The following NFILZ variants were observed in gnomAD, a reference collection of about 807,000 sequenced individuals.
The protein encoded by NFILZ is NFIL3 like protein.
chr19:8,632,184 T>C (rs1555745634), intron 1 of NFILZ, among the ~76,000 whole-genome samples: 1 of 151,402 alleles, frequency 6.6e-6, no homozygotes, highest in East Asian at 2.0e-4. Flanking sequence ...TGTGTTTTAT[T>C]ACTGGGATGC....
At chr19:8,641,414 A>G (rs148574775) in intron 3 of NFILZ, among the ~76,000 whole-genome samples, 206 of 152,296 alleles carry the variant, frequency 1.4e-3, no homozygotes, top group African/African-American at 4.4e-3. Context: ...CCAAATCTAA[A>G]GACCACTGCT....
At chr19:8,666,959 G>A (rs966876659) in intron 3 of NFILZ, among the ~76,000 whole-genome samples, 10 of 145,706 alleles carry the variant, frequency 6.9e-5, no homozygotes, top group African/African-American at 2.0e-4. Flanking sequence ...CACATTGCCC[G>A]GGTTGGTCTC....
rs1216700127 is a variant in NFILZ at position 8,676,413 on chromosome 19, C to A, written c.-59C>A. 1.3e-5 allele frequency among the ~76,000 whole-genome samples: 2 copies of A among 152,196 alleles called. No homozygotes were observed. The highest frequency in any genetic ancestry group is 2.9e-5 in the Non-Finnish European group (2 of 68,032). On this transcript the variant is annotated 5_prime_UTR_variant, in exon 5 of 6. Transcript: ENST00000691075. ...TTTCCAAGAATCTTACCTTGGAACT[C>A]CAATTGAACTGAGCCCTGGGCTTGT... is the stretch of plus-strand genomic sequence containing the variant.
chr19:8,648,145 A>G (rs969734025), intron 3 of NFILZ, among the ~76,000 whole-genome samples: 9 of 143,224 alleles, frequency 6.3e-5, no homozygotes, highest in Middle Eastern at 3.8e-3. Context: ...CTGTACTCCA[A>G]CCTGGGCATG....
chr19:8,640,091 C>T (rs1304144073), intron 3 of NFILZ, among the ~76,000 whole-genome samples: 1 of 152,074 alleles, frequency 6.6e-6, no homozygotes, highest in East Asian at 1.9e-4. Context: ...CTTGTGAATT[C>T]CCAGGGCCTC....
At chr19:8,634,048 A>G (rs782432274) in intron 2 of NFILZ, among the ~76,000 whole-genome samples, 56 of 149,758 alleles carry the variant, frequency 3.7e-4, no homozygotes, top group Admixed American at 7.4e-4. Flanking sequence ...CCCAGGCTGC[A>G]GTACGGTGGC....
rs1227824286 is a variant in NFILZ at position 8,653,041 on chromosome 19, T to C, written c.-164+17295T>C. On this transcript the variant is annotated intron_variant, in intron 3 of 5. Coordinates refer to ENST00000691075, the MANE Select transcript of NFILZ (RefSeq NM_001378600.1). ...CTTTCTTTCTTTCTTTCTTTCTTTC[T>C]CTCTCTCTCTCTCTCTCTCTCTCTC... is the stretch of plus-strand genomic sequence containing the variant. Among the ~76,000 whole-genome samples the C allele has an allele frequency of 1.2e-3, 73 of 63,262 alleles. 2 individuals are homozygous for C. The highest frequency in any genetic ancestry group is 4.2e-3 in the African/African-American group (57 of 13,718). The allele number at this position is 63,262 out of a possible 152,430, so 41.5% of individuals were successfully genotyped here.
At chr19:8,676,182 G>A (rs1555750699) in intron 4 of NFILZ, among the ~76,000 whole-genome samples, 177 bp from the exon 5 acceptor site, 1 of 152,156 alleles carries the variant, frequency 6.6e-6, no homozygotes, top group Admixed American at 6.5e-5. Flanking sequence ...TGAGTGATTG[G>A]ATTACCCGAT....
chr19:8,673,819 G>A (rs1469710138), intron 3 of NFILZ, among the ~76,000 whole-genome samples: 1 of 152,050 alleles, frequency 6.6e-6, no homozygotes, highest in Non-Finnish European at 1.5e-5. Context: ...TTGGGCGACT[G>A]CAGAACACCA....
intron 3 of NFILZ, among the ~76,000 whole-genome samples, chr19:8,656,760 A>ACCTGTGTGT (rs2043005687): frequency 6.6e-6 from 1 of 152,166 alleles, no homozygotes; most frequent in Non-Finnish European, 1.5e-5. Context: ...GGGTGGCAAC[A>ACCTGTGTGT]CCTGTGTGTG....
At chr19:8,632,853 G>C (rs1226151505) in intron 2 of NFILZ, among the ~76,000 whole-genome samples, 1 of 151,194 alleles carries the variant, frequency 6.6e-6, no homozygotes, top group Non-Finnish European at 1.5e-5. Flanking sequence ...CTCCTGAGTA[G>C]CTGGGATTAC....
chr19:8,677,275 C>T lies in NFILZ; in HGVS notation c.510C>T (p.Ser170=), dbSNP rs1413743895. Among the ~76,000 whole-genome samples, 2 of 152,216 alleles carry T rather than the reference C, an allele frequency of 1.3e-5. No individual in the cohort carries two copies. The highest frequency in any genetic ancestry group is 2.9e-5 in the Non-Finnish European group (2 of 68,024). ...RWTGLATSPR[S]PQESASPTLN... is the part of the protein sequence containing the mutation. The stretch of plus-strand genomic sequence containing the variant: ...CTGGCTTGGCCACTTCTCCTAGGTC[C>T]CCCCAAGAGTCTGCATCTCCTACCC... The change falls in exon 6 of 6, where the codon TCC becomes TCT. Residue 170 remains serine, a synonymous_variant. Transcript: ENST00000691075.
In NFILZ at chr19:8,678,064, TCATCCATCCATCAATCCATCCATCCA is replaced by T. The variant is rs2043121675; in HGVS notation, c.*430_*455del. Among the ~76,000 whole-genome samples the T allele has an allele frequency of 1.1e-4, 1 of 9,238 alleles. No homozygotes were observed. The highest frequency in any genetic ancestry group is 2.3e-4 in the Non-Finnish European group (1 of 4,396). 6.1% of individuals were successfully genotyped at this position (9,238 alleles called of 152,430 possible). ...TCCATCCATCCATCCACCCATCTATTCATCCATCCATCAATCCATCCATCCATTCCATCCATCCATCCATCCATCCA... is the reference window on the plus strand; with the variant it reads ...TCCATCCATCCATCCACCCATCTATTTTCCATCCATCCATCCATCCATCCA... On this transcript the variant is annotated 3_prime_UTR_variant, in exon 6 of 6. Transcript: ENST00000691075.
chr19:8,663,784 T>TGTGTGTGTGTGTATGTAGGTGTGTG (rs2043048867), intron 3 of NFILZ, among the ~76,000 whole-genome samples: 1 of 19,634 alleles, frequency 5.1e-5, no homozygotes, highest in African/African-American at 2.6e-4. Flanking sequence ...GTATGTGTGT[T>TGTGTGTGTGTGTATGTAGGTGTGTG]TGTTGTGGGG....
intron 3 of NFILZ, among the ~76,000 whole-genome samples, chr19:8,652,109 T>C (rs536036966): frequency 6.6e-6 from 1 of 152,010 alleles, no homozygotes; most frequent in South Asian, 2.1e-4. Flanking sequence ...GGAGATTTTT[T>C]TTTTTTTTTT....
intron 3 of NFILZ, among the ~76,000 whole-genome samples, chr19:8,671,980 C>T (rs2043089173): frequency 6.6e-6 from 1 of 152,180 alleles, no homozygotes; most frequent in Non-Finnish European, 1.5e-5. Flanking sequence ...GAGAGAGGAC[C>T]CATTCAGGCT....
chr19:8,660,777 A>G (rs2043026776), intron 3 of NFILZ, among the ~76,000 whole-genome samples: 1 of 151,520 alleles, frequency 6.6e-6, no homozygotes, highest in Admixed American at 6.6e-5. Flanking sequence ...AGCTGGGATT[A>G]CAGGTGCCCA....
At chr19:8,655,843 T>C (rs569221963) in intron 3 of NFILZ, among the ~76,000 whole-genome samples, 1 of 151,982 alleles carries the variant, frequency 6.6e-6, no homozygotes. Flanking sequence ...CTGTGTCTCT[T>C]TCTCTCTCTG....
Position 8,644,383 on chromosome 19 carries a change from G to A in NFILZ, c.-164+8637G>A, listed in dbSNP as rs547247430. Among the ~76,000 whole-genome samples the A allele has an allele frequency of 5.3e-5, 8 of 152,226 alleles. 1 individual carries two copies. In the Middle Eastern group the frequency reaches 0.021, roughly 391 times the overall value. The stretch of plus-strand genomic sequence containing the variant: ...CCGAAATTGCTGGGATTACAGGCAT[G>A]AGCCACCGTAGCTGGTAATAGGGTC... On this transcript the variant is annotated intron_variant, in intron 3 of 5. Transcript: ENST00000691075.
Sources: gnomAD v4.1 joint callset for allele counts (sites outside exome capture counted in the v4.1 genomes callset) on GRCh38, gnomAD v4.1.1 for gene constraint, MANE v1.5 for transcripts, NCBI Gene and HGNC (gene_info 2026-07-23, HGNC 2026-07-21) for gene names.